COP1: variants seen among roughly 807,000 people sequenced by gnomAD.
The protein encoded by COP1 is COP1 E3 ubiquitin ligase, also known as E3 ubiquitin-protein ligase COP1.
COP1 carries 24 observed loss-of-function variants against 101.3 expected under a neutral mutation model. That is an observed-to-expected ratio of 0.24 (90% CI 0.17 to 0.33). COP1 has a LOEUF of 0.33. COP1 is among the 10% of genes least tolerant of loss of function. The pLI is 1.00. For synonymous variants in COP1, 347 were observed against 341.9 expected, an observed-to-expected ratio of 1.01 and a Z score of -0.17; for missense variants, 663 against 906.2, an observed-to-expected ratio of 0.73 and a Z score of 3.45.
intron 1 of COP1, among the ~76,000 whole-genome samples, chr1:176,188,464 A>G (rs1467647212): frequency 6.6e-6 from 1 of 152,144 alleles, no homozygotes; most frequent in African/African-American, 2.4e-5. Flanking sequence ...TCCATTTAGA[A>G]AAACAATCCA....
At chr1:176,153,259 T>C (rs995185335) in intron 5 of COP1, among the ~76,000 whole-genome samples, 37 of 152,152 alleles carry the variant, frequency 2.4e-4, no homozygotes, top group Non-Finnish European at 5.0e-4. Flanking sequence ...AAGTTTACCT[T>C]ATACATGTCC....
At chr1:176,195,064 G>A (rs1024030417) in intron 1 of COP1, among the ~76,000 whole-genome samples, 2 of 150,878 alleles carry the variant, frequency 1.3e-5, no homozygotes, top group African/African-American at 4.9e-5. Flanking sequence ...TCCAGCCTGG[G>A]TGACAGAGTG....
At chr1:175,949,873 T>G (rs1432219667) in intron 18 of COP1, among the ~76,000 whole-genome samples, 1 of 152,230 alleles carries the variant, frequency 6.6e-6, no homozygotes, top group East Asian at 1.9e-4. Context: ...GGAGTCTACT[T>G]CTGGCAGTTA....
In COP1 at chr1:175,949,168, C is replaced by CAAAAAAAAAAAAAAAAA. The variant is rs56280543; in HGVS notation, c.2134-1946_2134-1930dup. 2.2e-3 allele frequency among the ~76,000 whole-genome samples: 94 copies of CAAAAAAAAAAAAAAAAA among 43,146 alleles called. 9 individuals carry two copies. Among genetic ancestry groups the CAAAAAAAAAAAAAAAAA allele is most frequent in the African/African-American group, 8.8e-3 (85 of 9,700 alleles). The allele number at this position is 43,146 out of a possible 152,430, so 28.3% of individuals were successfully genotyped here. On this transcript the variant is annotated intron_variant, in intron 18 of 19. Transcript: ENST00000367669. ...GAGAGACTCCAGCAAGGCTCCGTCT[C>CAAAAAAAAAAAAAAAAA]AAAAAAAAAAAAAAAAAAAAAAAAT... is the stretch of plus-strand genomic sequence containing the variant.
chr1:176,093,628 A>G (rs1681758243), intron 9 of COP1, among the ~76,000 whole-genome samples: 1 of 152,168 alleles, frequency 6.6e-6, no homozygotes, highest in Admixed American at 6.5e-5. Flanking sequence ...TCACGAGGTC[A>G]GGAGATCAAG....
chr1:176,014,044 T>C (rs1308425328), intron 15 of COP1, among the ~76,000 whole-genome samples: 1 of 152,204 alleles, frequency 6.6e-6, no homozygotes, highest in African/African-American at 2.4e-5. Flanking sequence ...CTTCAAAATA[T>C]ACAAAGTATT....
intron 18 of COP1, among the ~76,000 whole-genome samples, chr1:175,975,166 C>T (rs1000807948): frequency 3.3e-5 from 5 of 152,098 alleles, no homozygotes; most frequent in African/African-American, 4.8e-5. Context: ...ATCTAAAATA[C>T]ATAGGATATA....
At chr1:176,177,464 G>A (rs1361267171) in intron 2 of COP1, among the ~76,000 whole-genome samples, 1 of 151,812 alleles carries the variant, frequency 6.6e-6, no homozygotes, top group East Asian at 1.9e-4. Context: ...AATCATATAT[G>A]TGTACATTTA....
At chr1:175,995,347 A>G (rs1659865082) in intron 15 of COP1, among the ~76,000 whole-genome samples, 1 of 152,250 alleles carries the variant, frequency 6.6e-6, no homozygotes, top group Admixed American at 6.5e-5. Context: ...TAGAAAAGCA[A>G]GACCAAACAC....
chr1:176,050,182 TAA>T (rs1672297286), intron 11 of COP1, among the ~76,000 whole-genome samples: 1 of 152,222 alleles, frequency 6.6e-6, no homozygotes, highest in African/African-American at 2.4e-5. Flanking sequence ...TTTCAACTGT[TAA>T]AAGAGTGATT....
At chr1:176,019,683 A>G (rs1353593706) in intron 15 of COP1, among the ~76,000 whole-genome samples, 1 of 151,800 alleles carries the variant, frequency 6.6e-6, no homozygotes, top group Non-Finnish European at 1.5e-5. Context: ...TAACATAGTG[A>G]AAATACGTTT....
At chr1:175,960,241 G>A (rs1455739605) in intron 18 of COP1, among the ~76,000 whole-genome samples, 1 of 152,136 alleles carries the variant, frequency 6.6e-6, no homozygotes, top group Non-Finnish European at 1.5e-5. Flanking sequence ...AATGTCTTTG[G>A]AGTCTGAAAG....
chr1:175,962,799 A>G (rs1202681935), intron 18 of COP1, among the ~76,000 whole-genome samples: 2 of 146,238 alleles, frequency 1.4e-5, no homozygotes, highest in African/African-American at 4.9e-5. Context: ...CTTTAATCCT[A>G]TCTCTTAACA....
At chr1:175,991,046 T>C (rs1171981943) in intron 15 of COP1, among the ~76,000 whole-genome samples, 1 of 152,146 alleles carries the variant, frequency 6.6e-6, no homozygotes, top group African/African-American at 2.4e-5. Context: ...TGCCAACATT[T>C]CAATCAAAGC....
chr1:175,950,208 A>T (rs1649699606), intron 18 of COP1, among the ~76,000 whole-genome samples: 1 of 147,632 alleles, frequency 6.8e-6, no homozygotes, highest in African/African-American at 2.5e-5. Flanking sequence ...TAAATACTTT[A>T]TGTGTTAAAA....
chr1:176,179,441 A>G (rs566329676), intron 2 of COP1, among the ~76,000 whole-genome samples: 123 of 152,344 alleles, frequency 8.1e-4, no homozygotes, highest in African/African-American at 2.9e-3. Context: ...TAAGTCAGAG[A>G]GGAGTTTGTT....
At chr1:175,952,444 A>AT (rs1558155769) in intron 18 of COP1, among the ~76,000 whole-genome samples, 1 of 151,214 alleles carries the variant, frequency 6.6e-6, no homozygotes, top group Non-Finnish European at 1.5e-5. Flanking sequence ...AAAAAAGATG[A>AT]TAAACAAGAA....
intron 18 of COP1, among the ~76,000 whole-genome samples, chr1:175,974,561 G>A (rs1308441399): frequency 6.6e-6 from 1 of 152,094 alleles, no homozygotes; most frequent in African/African-American, 2.4e-5. Context: ...AAATAACAAT[G>A]ATTAATATGG....
At chr1:176,132,283 ATTAATGTGT>A (rs1001005766) in intron 8 of COP1, among the ~76,000 whole-genome samples, 6 of 151,802 alleles carry the variant, frequency 4.0e-5, no homozygotes, top group African/African-American at 1.2e-4. Flanking sequence ...TCTTTACTTG[ATTAATGTGT>A]CAACTTAAAT....
Sources: allele counts gnomAD v4.1 joint callset (sites outside exome capture counted in the v4.1 genomes callset), GRCh38; gene constraint gnomAD v4.1.1; transcripts MANE v1.5; gene names NCBI Gene and HGNC (gene_info 2026-07-23, HGNC 2026-07-21).